Variants in PDE8B observed in about 807,000 individuals in gnomAD.
PDE8B encodes the protein phosphodiesterase 8B.
Under a neutral mutation model 101.3 loss-of-function variants are expected in PDE8B, and 26 were observed. The observed-to-expected ratio is 0.26, with a 90% CI of 0.19 to 0.36. PDE8B has a LOEUF of 0.36. Among genes scored for constraint, PDE8B ranks in the 10% least tolerant of loss-of-function variants. PDE8B has a pLI of 1.00. For missense variants in PDE8B, 810 were observed against 1,163.1 expected (o/e 0.70, Z 4.42); for synonymous variants, 424 against 429.3 (o/e 0.99, Z 0.15).
intron 1 of PDE8B, among the ~76,000 whole-genome samples, chr5:77,268,599 G>A (rs1473905333): frequency 6.6e-6 from 1 of 151,272 alleles, no homozygotes; most frequent in Admixed American, 6.6e-5. Context: ...ACAAATAAGT[G>A]AGAACATGTG....
intron 2 of PDE8B, among the ~76,000 whole-genome samples, chr5:77,318,081 A>C (rs1306039633): frequency 6.7e-5 from 10 of 149,062 alleles, no homozygotes; most frequent in African/African-American, 2.0e-4. Flanking sequence ...AAAAAAACAC[A>C]ACAACAACAA....
At chr5:77,247,770 G>T (rs938650311) in intron 1 of PDE8B, among the ~76,000 whole-genome samples, 1 of 152,122 alleles carries the variant, frequency 6.6e-6, no homozygotes, top group South Asian at 2.1e-4. Flanking sequence ...TAGAGATTTG[G>T]TTTCCCTCAA....
chr5:77,366,761 G>T lies in PDE8B; in HGVS notation c.1167+13355G>T, dbSNP rs148343492. 7.9e-5 allele frequency among the ~76,000 whole-genome samples: 12 copies of T among 152,294 alleles called. No homozygotes were observed. In the East Asian group the frequency reaches 1.9e-3, roughly 25 times the overall value. ...GAATTGTCTGAACAGTGGCCCCAGA[G>T]ACATGTTCTATATTAGGAATTTAAA... On this transcript the variant is annotated intron_variant, in intron 10 of 21. Coordinates refer to ENST00000264917, the MANE Select transcript of PDE8B (RefSeq NM_003719.5).
chr5:77,391,795 TA>T (rs1415091574), intron 10 of PDE8B, among the ~76,000 whole-genome samples: 1 of 152,248 alleles, frequency 6.6e-6, no homozygotes, highest in Non-Finnish European at 1.5e-5. Flanking sequence ...GTTTTGTTTT[TA>T]AATAACATAG....
chr5:77,091,316 G>A, the PDE8B span, among the ~76,000 whole-genome samples: 2,528 of 152,188 alleles, frequency 0.017, 76 homozygotes, highest in African/African-American at 0.056. Context: ...CAAATATTTC[G>A]TATCAATAAA....
intron 1 of PDE8B, among the ~76,000 whole-genome samples, chr5:77,250,406 C>T (rs1757840649): frequency 6.6e-6 from 1 of 152,096 alleles, no homozygotes; most frequent in African/African-American, 2.4e-5. Flanking sequence ...GGGATGAGGC[C>T]CTCTTGACCC....
At chr5:77,352,540 A>C (rs1156723798) in intron 9 of PDE8B, among the ~76,000 whole-genome samples, 1 of 152,230 alleles carries the variant, frequency 6.6e-6, no homozygotes, top group Non-Finnish European at 1.5e-5. Flanking sequence ...TTCTTATTAA[A>C]AGTAGGGAAA....
chr5:77,189,134 AG>A, the PDE8B span, among the ~76,000 whole-genome samples: 1 of 152,172 alleles, frequency 6.6e-6, no homozygotes, highest in Non-Finnish European at 1.5e-5. Flanking sequence ...GAAATCTGGA[AG>A]GCAATGAGAG....
the PDE8B span, chr5:77,104,669 G>A: frequency 2.0e-5 from 3 of 152,114 alleles, no homozygotes; most frequent in Non-Finnish European, 4.4e-5. Context: ...AATTTCTATT[G>A]TTTATAATGT....
At chr5:77,308,635 A>C (rs1267655411) in intron 1 of PDE8B, among the ~76,000 whole-genome samples, 1 of 152,158 alleles carries the variant, frequency 6.6e-6, no homozygotes, top group African/African-American at 2.4e-5. Flanking sequence ...AGGAAGAAAA[A>C]TGATATATCT....
chr5:77,361,578 G>A lies in PDE8B; in HGVS notation c.1167+8172G>A, dbSNP rs1327728058. On this transcript the variant is annotated intron_variant, in intron 10 of 21. Coordinates refer to ENST00000264917, the MANE Select transcript of PDE8B (RefSeq NM_003719.5). ...TGCCCAGGCTAGAGTGCAGTGGCGC[G>A]ATCTCGGCTCACTGCAAGCTCCGCC... Among the ~76,000 whole-genome samples the A allele has an allele frequency of 4.7e-5, 7 of 150,008 alleles. No individual in the cohort carries two copies. The East Asian group carries it at 7.9e-4, about 17-fold the overall frequency.
At chr5:77,095,298 A>G in the PDE8B span, among the ~76,000 whole-genome samples, 1,264 of 152,220 alleles carry the variant, frequency 8.3e-3, 13 homozygotes, top group African/African-American at 0.028. Context: ...GTTGCCAGGA[A>G]CTTTGGTCTT....
At chr5:77,199,267 A>G in the PDE8B span, among the ~76,000 whole-genome samples, 6 of 152,240 alleles carry the variant, frequency 3.9e-5, no homozygotes, top group Admixed American at 3.9e-4. Flanking sequence ...TCGTACGAGT[A>G]TGTAAGGGAT....
At chr5:77,192,418 A>G in the PDE8B span, among the ~76,000 whole-genome samples, 1 of 152,184 alleles carries the variant, frequency 6.6e-6, no homozygotes, top group Non-Finnish European at 1.5e-5. Context: ...TCATGTCAAT[A>G]AGATCATACA....
intron 10 of PDE8B, among the ~76,000 whole-genome samples, chr5:77,382,833 A>G (rs898321272): frequency 5.9e-5 from 9 of 152,078 alleles, no homozygotes; most frequent in Non-Finnish European, 1.0e-4. Flanking sequence ...TATCCAGTCT[A>G]TCAGTGATGG....
intron 1 of PDE8B, among the ~76,000 whole-genome samples, chr5:77,309,038 A>C (rs756886376): frequency 1.4e-4 from 21 of 151,798 alleles, no homozygotes; most frequent in Non-Finnish European, 1.8e-4. Context: ...AATTAGCTGT[A>C]AGTGGTGGTG....
chr5:77,418,121 G>A (rs753259936), intron 17 of PDE8B, 108 bp from the exon 18 acceptor site: 19 of 772,740 alleles, frequency 2.5e-5, no homozygotes, highest in Non-Finnish European at 4.1e-5. Context: ...GGCTAAAAAC[G>A]TTCTGAAAAT....
intron 1 of PDE8B, among the ~76,000 whole-genome samples, chr5:77,213,276 C>T (rs983601853): frequency 3.3e-5 from 5 of 152,178 alleles, no homozygotes; most frequent in African/African-American, 1.2e-4. Flanking sequence ...CACTCTAACC[C>T]ATTACTGGGA....
chr5:77,106,541 A>G, the PDE8B span, among the ~76,000 whole-genome samples: 5 of 152,152 alleles, frequency 3.3e-5, no homozygotes, highest in South Asian at 2.1e-4. Context: ...CTTGATTGCT[A>G]TAGTTTTATA....
Sources: allele counts gnomAD v4.1 joint callset (sites outside exome capture counted in the v4.1 genomes callset), GRCh38; gene constraint gnomAD v4.1.1; transcripts MANE v1.5; gene names NCBI Gene and HGNC (gene_info 2026-07-23, HGNC 2026-07-21).